Variants in KIDINS220 observed in about 807,000 individuals in gnomAD.
The protein encoded by KIDINS220 is kinase D interacting substrate 220.
Under a neutral mutation model 157.6 loss-of-function variants are expected in KIDINS220, and 63 were observed. The observed-to-expected ratio is 0.40, with a 90% CI of 0.33 to 0.49. KIDINS220 has a LOEUF of 0.49. Among genes scored for constraint, KIDINS220 ranks in the 20% least tolerant of loss-of-function variants. The pLI, the probability that KIDINS220 is intolerant of heterozygous loss-of-function variation, is 0.66. For synonymous variants in KIDINS220, 732 were observed against 783.6 expected, an observed-to-expected ratio of 0.93 and a Z score of 1.10; for missense variants, 1,772 against 2,171.2, an observed-to-expected ratio of 0.82 and a Z score of 3.65.
chr2:8,726,808 G>A, downstream of KIDINS220: 1 of 590,086 alleles, frequency 1.7e-6, no homozygotes, highest in South Asian at 1.5e-5. Flanking sequence ...CACTGTCACA[G>A]ATGTGGTCCT....
At chr2:8,766,018 T>C (rs1407648783) in intron 22 of KIDINS220, among the ~76,000 whole-genome samples, 1 of 151,932 alleles carries the variant, frequency 6.6e-6, no homozygotes, top group Non-Finnish European at 1.5e-5. Flanking sequence ...CTTCCCTAAC[T>C]CAGGCCAAGC....
intron 20 of KIDINS220, among the ~76,000 whole-genome samples, chr2:8,778,150 A>G (rs148319627): frequency 4.1e-4 from 62 of 152,308 alleles, no homozygotes; most frequent in African/African-American, 1.5e-3. Flanking sequence ...AGGGACAACC[A>G]ATGTTTTGGA....
intron 1 of KIDINS220, among the ~76,000 whole-genome samples, chr2:8,836,443 G>C (rs1382588217): frequency 6.6e-6 from 1 of 152,060 alleles, no homozygotes; most frequent in African/African-American, 2.4e-5. Flanking sequence ...AAACTTGTGT[G>C]CACCAAAATT....
At chr2:8,793,694 C>T in intron 12 of KIDINS220, 116 bp downstream of exon 12, 1 of 922,650 alleles carries the variant, frequency 1.1e-6, no homozygotes. Flanking sequence ...CCACCTCGGC[C>T]TCCTCAAGTG....
chr2:8,732,862 C>G (rs1367743960), intron 29 of KIDINS220, among the ~76,000 whole-genome samples: 2 of 152,150 alleles, frequency 1.3e-5, no homozygotes, highest in African/African-American at 2.4e-5. Flanking sequence ...CTCCTGCGCT[C>G]TCCTCACTCC....
At position 8,806,344 on chromosome 2, in the gene KIDINS220, G is replaced by A. The variant is rs994499340; in HGVS notation, c.530C>T (p.Ala177Val). 1.2e-6 allele frequency: 2 copies of A among 1,608,920 alleles called. No individual in the cohort carries two copies. The highest frequency in any genetic ancestry group is 2.7e-5 in the African/African-American group (2 of 74,778). ...DKYGTTPLVW[A>V]ARKGHLECVK... ...ACATTCCAAATGACCCTTTCGTGCA[G>A]CCCAAACTAAAGGGGTGGTTCCATA... Residue 177 changes from alanine to valine, a missense_variant, in exon 7 of 30, where the codon GCT becomes GTT. Around this residue, in one of 3 missense-constraint regions of KIDINS220, gnomAD observed 254 missense variants for 268.6 expected, o/e 0.95. Transcript: ENST00000256707.
At chr2:8,737,114 AC>A in intron 26 of KIDINS220, 115 bp from the exon 27 acceptor site, 1 of 1,018,920 alleles carries the variant, frequency 9.8e-7, no homozygotes, top group Non-Finnish European at 1.4e-6. Context: ...GTAAAAAAAA[AC>A]AAATATGTTT....
In KIDINS220 at chr2:8,731,101, A is replaced by G; in HGVS notation, c.4935T>C (p.Ile1645=). ...AAGGGCTTTTCTTGTCTTCTGAACAAATGGACATCCGAGCTATAATTGGAT... is the reference window on the plus strand; with the variant it reads ...AAGGGCTTTTCTTGTCTTCTGAACAGATGGACATCCGAGCTATAATTGGAT... ...LQDPIIARMS[I]CSEDKKSPSE... Residue 1645 remains isoleucine (I), a synonymous_variant, in exon 30 of 30, where the codon ATT becomes ATC. Transcript: ENST00000256707. This position sits in a 1 kb window ranked among gnomAD's most constrained non-coding sequence, Gnocchi z 5.2. 6.2e-7 allele frequency: 1 copy of G among 1,614,200 alleles called. No homozygotes were observed. Among genetic ancestry groups the G allele is most frequent in the South Asian group, 1.1e-5 (1 of 91,078 alleles).
chr2:8,819,206 GAGA>G (rs1488889852), intron 2 of KIDINS220, among the ~76,000 whole-genome samples: 1 of 152,126 alleles, frequency 6.6e-6, no homozygotes, highest in Non-Finnish European at 1.5e-5. Context: ...GAAATAGGAC[GAGA>G]AGAAGAAAAG....
intron 6 of KIDINS220, 110 bp from the exon 7 acceptor site, chr2:8,806,479 C>A: frequency 1.5e-6 from 1 of 648,250 alleles, no homozygotes; most frequent in South Asian, 2.6e-5. Context: ...TCTCATAAAA[C>A]TGTATACATT....
At chr2:8,754,214 C>T (rs1191373604) in intron 22 of KIDINS220, among the ~76,000 whole-genome samples, 3 of 152,210 alleles carry the variant, frequency 2.0e-5, no homozygotes, top group African/African-American at 4.8e-5. Flanking sequence ...CTGAATGCAA[C>T]AGTGTTCTCA....
chr2:8,831,464 T>C (rs59743691), intron 1 of KIDINS220, among the ~76,000 whole-genome samples: 68,928 of 151,958 alleles, frequency 0.45, 18,165 homozygotes, highest in East Asian at 0.6. Context: ...ATTCTCCACG[T>C]ATATATGCCT....
At chr2:8,757,666 A>G (rs1410680338) in intron 22 of KIDINS220, 1 of 1,612,176 alleles carries the variant, frequency 6.2e-7, no homozygotes, top group Non-Finnish European at 8.5e-7. Context: ...GGCCTGTTCC[A>G]TGTCCTGCTT....
At chr2:8,817,036 C>T (rs1677175236) in intron 4 of KIDINS220, among the ~76,000 whole-genome samples, 1 of 152,132 alleles carries the variant, frequency 6.6e-6, no homozygotes, top group Non-Finnish European at 1.5e-5. Flanking sequence ...CTTCCTTCTA[C>T]TGTTAAAATC....
intron 11 of KIDINS220, among the ~76,000 whole-genome samples, chr2:8,796,355 A>G (rs778658772): frequency 6.6e-5 from 10 of 152,214 alleles, no homozygotes; most frequent in Non-Finnish European, 1.2e-4. Context: ...CTCTGAAAGG[A>G]TTATAGCAAG....
At chr2:8,816,854 T>G (rs1677150315) in intron 4 of KIDINS220, among the ~76,000 whole-genome samples, 1 of 152,242 alleles carries the variant, frequency 6.6e-6, no homozygotes, top group African/African-American at 2.4e-5. Flanking sequence ...CACTTAGTTT[T>G]GAGAACAAAT....
chr2:8,743,554 C>T (rs898669534), intron 26 of KIDINS220, among the ~76,000 whole-genome samples: 1 of 152,178 alleles, frequency 6.6e-6, no homozygotes, highest in African/African-American at 2.4e-5. Context: ...GAGCTCATCA[C>T]CAGGGTCTGT....
chr2:8,805,651 C>T (rs902761603), intron 7 of KIDINS220, among the ~76,000 whole-genome samples: 7 of 152,068 alleles, frequency 4.6e-5, no homozygotes, highest in Non-Finnish European at 8.8e-5. Context: ...AGCCAGGAAC[C>T]ACGGACAAAA....
chr2:8,803,213 C>A, intron 7 of KIDINS220, 86 bp from the exon 8 acceptor site: 1 of 1,137,668 alleles, frequency 8.8e-7, no homozygotes, highest in South Asian at 1.6e-5. Flanking sequence ...ATGCCATAAT[C>A]ATAAAACTAA....
Sources: gnomAD v4.1 joint callset for allele counts (sites outside exome capture counted in the v4.1 genomes callset) on GRCh38, gnomAD v4.1.1 for gene constraint, gnomAD v4.1.1 regional missense constraint, Gnocchi (gnomAD v3.1) non-coding constraint, MANE v1.5 for transcripts, NCBI Gene and HGNC (gene_info 2026-07-23, HGNC 2026-07-21) for gene names.